MTAP: variants seen among roughly 807,000 people sequenced by gnomAD.
MTAP encodes S-methyl-5'-thioadenosine phosphorylase.
MTAP carries 33 observed loss-of-function variants against 33.6 expected under a neutral mutation model. The observed-to-expected ratio is 0.98, with a 90% CI of 0.74 to 1.31. The LOEUF is 1.31. Among genes scored for constraint, MTAP ranks in the 40% most tolerant of loss-of-function variants. The pLI is 0.00. For synonymous variants in MTAP, 148 were observed against 125.7 expected (o/e 1.18, Z -1.19); for missense variants, 367 against 360.0 (o/e 1.02, Z -0.16).
At chr9:21,833,706 G>A (rs1191698262) in intron 4 of MTAP, among the ~76,000 whole-genome samples, 1 of 152,216 alleles carries the variant, frequency 6.6e-6, no homozygotes, top group Non-Finnish European at 1.5e-5. Context: ...TGTGGATACA[G>A]ACCGTATTCT....
intron 1 of MTAP, among the ~76,000 whole-genome samples, chr9:21,911,878 C>T (rs1818583631): frequency 6.6e-6 from 1 of 151,958 alleles, no homozygotes; most frequent in African/African-American, 2.4e-5. Flanking sequence ...ATTGATGGAC[C>T]ACTAGCAAGA....
intron 4 of MTAP, among the ~76,000 whole-genome samples, chr9:21,832,934 C>T (rs919292218): frequency 6.6e-5 from 10 of 152,130 alleles, no homozygotes; most frequent in African/African-American, 2.4e-4. Context: ...AAAACTGAGG[C>T]CCAAAGAGGT....
At chr9:21,879,673 T>C (rs1032623028) in intron 1 of MTAP, among the ~76,000 whole-genome samples, 1 of 152,066 alleles carries the variant, frequency 6.6e-6, no homozygotes, top group African/African-American at 2.4e-5. Flanking sequence ...TTTGTAATGG[T>C]CTTTCTTTTC....
intron 4 of MTAP, among the ~76,000 whole-genome samples, chr9:21,819,654 C>G (rs577251134): frequency 1.3e-5 from 2 of 152,182 alleles, no homozygotes; most frequent in African/African-American, 2.4e-5. Context: ...GGGTATATAC[C>G]CAGTAATGGG....
chr9:21,854,100 C>A (rs1360144763), intron 5 of MTAP, among the ~76,000 whole-genome samples: 1 of 152,098 alleles, frequency 6.6e-6, no homozygotes, highest in Non-Finnish European at 1.5e-5. Flanking sequence ...AGGCAATAGG[C>A]AAAAGAGAAA....
chr9:21,868,101 C>G (rs1277124236), downstream of MTAP, among the ~76,000 whole-genome samples: 1 of 152,104 alleles, frequency 6.6e-6, no homozygotes, highest in Admixed American at 6.6e-5. Flanking sequence ...TTGATGGCTT[C>G]TGAGGGATGA....
chr9:21,930,657 T>C (rs1042271920), intron 1 of MTAP: 4 of 483,404 alleles, frequency 8.3e-6, no homozygotes, highest in Admixed American at 6.8e-5. Context: ...ACCTCAACCA[T>C]GGCCAGAGCA....
At chr9:21,857,891 T>A (rs1407913161) in intron 6 of MTAP, among the ~76,000 whole-genome samples, 2 of 152,248 alleles carry the variant, frequency 1.3e-5, no homozygotes, top group African/African-American at 4.8e-5. Context: ...TCTGAATTGC[T>A]GAAATCATCT....
intron 1 of MTAP, among the ~76,000 whole-genome samples, chr9:21,909,047 C>A (rs1818521291): frequency 6.6e-6 from 1 of 152,032 alleles, no homozygotes; most frequent in Non-Finnish European, 1.5e-5. Flanking sequence ...AAACTAATTA[C>A]ATTTATGCAT....
intron 1 of MTAP, among the ~76,000 whole-genome samples, chr9:21,903,022 T>A (rs1031711569): frequency 6.6e-6 from 1 of 152,242 alleles, no homozygotes; most frequent in Non-Finnish European, 1.5e-5. Flanking sequence ...AAAAGATGAA[T>A]TCAACTAAAT....
At chr9:21,851,127 C>A in intron 5 of MTAP, among the ~76,000 whole-genome samples, 1 of 152,168 alleles carries the variant, frequency 6.6e-6, no homozygotes, top group East Asian at 1.9e-4. Flanking sequence ...CTACAACAGC[C>A]CAATCCAGGC....
At position 21,873,141 on chromosome 9, in the gene MTAP, T is replaced by G. The variant is rs73440416; in HGVS notation, c.147+18271T>G. Among the ~76,000 whole-genome samples, 1,350 of 152,278 alleles carry G rather than the reference T, an allele frequency of 8.9e-3. 23 individuals carry two copies. Among genetic ancestry groups the G allele is most frequent in the African/African-American group, 0.03 (1,232 of 41,568 alleles). On this transcript the variant is annotated intron_variant, in intron 1 of 1. Transcript: ENST00000577563. The stretch of plus-strand genomic sequence containing the variant: ...AAAAAGTACCTAGGATGGAAGGGAT[T>G]TGGAATTCTGAATATTGTGTTTTAA...
chr9:21,903,242 G>T (rs947194109), intron 1 of MTAP, among the ~76,000 whole-genome samples: 3 of 152,140 alleles, frequency 2.0e-5, no homozygotes, highest in Admixed American at 2.0e-4. Context: ...TCTGGGGGAG[G>T]CATACTTAGG....
intron 1 of MTAP, among the ~76,000 whole-genome samples, chr9:21,894,046 T>TCCA (rs1818246106): frequency 6.6e-6 from 1 of 151,762 alleles, no homozygotes; most frequent in African/African-American, 2.4e-5. Flanking sequence ...AAAAAGCTAA[T>TCCA]CCACCATGAT....
At chr9:21,842,739 A>G (rs1402412863) in intron 5 of MTAP, among the ~76,000 whole-genome samples, 1 of 152,248 alleles carries the variant, frequency 6.6e-6, no homozygotes, top group East Asian at 1.9e-4. Flanking sequence ...AGCCAACACT[A>G]CAAGAAATGC....
chr9:21,865,071 T>A lies in MTAP; in HGVS notation c.*3057T>A, dbSNP rs887122969. The A allele has an allele frequency of 1.9e-5, 19 of 985,306 alleles. No homozygotes were observed. In the Admixed American group the frequency reaches 2.5e-4, roughly 13 times the overall value. The allele number at this position is 985,306 out of a possible 1,614,324, so 61.0% of individuals were successfully genotyped here. ...CTTGCCACATTTGCAGAGTCCCTCCTTGATAAGGTTTGGCGGTGTCCCCAC... is the reference window on the plus strand; with the variant it reads ...CTTGCCACATTTGCAGAGTCCCTCCATGATAAGGTTTGGCGGTGTCCCCAC... On this transcript the variant is annotated 3_prime_UTR_variant, in exon 8 of 8. Transcript: ENST00000644715.
At chr9:21,819,179 T>C (rs1378807039) in intron 4 of MTAP, among the ~76,000 whole-genome samples, 3 of 151,354 alleles carry the variant, frequency 2.0e-5, no homozygotes, top group Non-Finnish European at 4.4e-5. Flanking sequence ...CTAGGGTACA[T>C]GTGCACAACG....
intron 1 of MTAP, among the ~76,000 whole-genome samples, chr9:21,928,491 C>T (rs892785232): frequency 1.2e-4 from 19 of 152,060 alleles, no homozygotes; most frequent in African/African-American, 2.9e-4. Context: ...CTTCACAGAA[C>T]GGGAAGACTC....
intron 1 of MTAP, among the ~76,000 whole-genome samples, chr9:21,918,501 A>C (rs1441479835): frequency 6.6e-6 from 1 of 152,112 alleles, no homozygotes; most frequent in Non-Finnish European, 1.5e-5. Context: ...TTAGCACTAA[A>C]GAACTTACCC....
Sources: gnomAD v4.1 joint callset for allele counts (sites outside exome capture counted in the v4.1 genomes callset) on GRCh38, gnomAD v4.1.1 for gene constraint, MANE v1.5 for transcripts, NCBI Gene and HGNC (gene_info 2026-07-23, HGNC 2026-07-21) for gene names.